The following FHIT variants were observed in gnomAD, a reference collection of about 807,000 sequenced individuals.
FHIT encodes bis(5'-adenosyl)-triphosphatase.
FHIT carries 19 observed loss-of-function variants against 17.9 expected under a neutral mutation model. That is an observed-to-expected ratio of 1.06 (90% CI 0.74 to 1.56). The LOEUF is 1.56. Among genes scored for constraint, FHIT ranks in the 40% most tolerant of loss-of-function variants. FHIT has a pLI of 0.00. For synonymous variants in FHIT, 81 were observed against 69.7 expected (o/e 1.16, Z -0.81); for missense variants, 248 against 189.2 (o/e 1.31, Z -1.82).
At chr3:60,051,599 C>T (rs1305061259) in intron 5 of FHIT, among the ~76,000 whole-genome samples, 1 of 152,110 alleles carries the variant, frequency 6.6e-6, no homozygotes, top group Admixed American at 6.6e-5. Flanking sequence ...ACCCCTCACC[C>T]TCAACTGCTA....
intron 4 of FHIT, among the ~76,000 whole-genome samples, chr3:60,577,407 T>C (rs954442159): frequency 6.6e-6 from 1 of 152,180 alleles, no homozygotes; most frequent in Non-Finnish European, 1.5e-5. Flanking sequence ...TAATACCCTA[T>C]GACTGTCCAT....
intron 5 of FHIT, among the ~76,000 whole-genome samples, chr3:60,173,178 A>C (rs1295953080): frequency 6.6e-6 from 1 of 152,140 alleles, no homozygotes; most frequent in African/African-American, 2.4e-5. Context: ...GTCCCATCCA[A>C]AGCTAGCCTC....
At chr3:61,202,071 C>CACACAT (rs1462355144) in intron 1 of FHIT, among the ~76,000 whole-genome samples, 1 of 151,318 alleles carries the variant, frequency 6.6e-6, no homozygotes, top group Non-Finnish European at 1.5e-5. Context: ...CATAGATACA[C>CACACAT]ACACACACAC....
intron 4 of FHIT, among the ~76,000 whole-genome samples, chr3:60,661,072 A>G (rs975885584): frequency 2.6e-5 from 4 of 151,818 alleles, no homozygotes; most frequent in Admixed American, 2.6e-4. Context: ...TTTTATTTCT[A>G]TAGGTTTTGG....
At chr3:59,848,854 C>T (rs1320997197) in intron 8 of FHIT, among the ~76,000 whole-genome samples, 2 of 152,198 alleles carry the variant, frequency 1.3e-5, no homozygotes, top group African/African-American at 4.8e-5. Context: ...GGAAAAAGAT[C>T]TCATTTCAGA....
chr3:60,337,813 T>C (rs970101254), intron 5 of FHIT, among the ~76,000 whole-genome samples: 7 of 152,158 alleles, frequency 4.6e-5, no homozygotes, highest in Admixed American at 1.3e-4. Context: ...AGAAAGACTC[T>C]TGGGGGACTG....
intron 1 of FHIT, among the ~76,000 whole-genome samples, chr3:61,228,677 G>C (rs867896061): frequency 3.9e-5 from 6 of 152,148 alleles, no homozygotes; most frequent in African/African-American, 1.4e-4. Context: ...GTCTTATCTA[G>C]AGTTCAACCT....
At chr3:60,099,967 G>C (rs183822490) in intron 5 of FHIT, among the ~76,000 whole-genome samples, 1 of 152,282 alleles carries the variant, frequency 6.6e-6, no homozygotes, top group South Asian at 2.1e-4. Flanking sequence ...AATGGTTGTG[G>C]TGTGTGTTGA....
Position 59,874,583 on chromosome 3 carries a change from G to A in FHIT, c.348+47763C>T, listed in dbSNP as rs75744646. Among the ~76,000 whole-genome samples, 894 of 152,242 alleles carry A rather than the reference G, an allele frequency of 5.9e-3. 5 individuals are homozygous for A. Among genetic ancestry groups the A allele is most frequent in the African/African-American group, 0.02 (833 of 41,550 alleles). Reference sequence around the variant, plus strand: ...TGCTTATTCCCTCACAGACTGAAACGTACGATATTACGGGGTTAGGACAGT... The same window carrying A: ...TGCTTATTCCCTCACAGACTGAAACATACGATATTACGGGGTTAGGACAGT... On this transcript the variant is annotated intron_variant, in intron 8 of 9. Transcript: ENST00000492590.
At chr3:60,633,783 G>A (rs1384476232) in intron 4 of FHIT, among the ~76,000 whole-genome samples, 3 of 152,114 alleles carry the variant, frequency 2.0e-5, no homozygotes, top group African/African-American at 4.8e-5. Context: ...GCATGAGCCC[G>A]TACCCAAGCA....
intron 4 of FHIT, among the ~76,000 whole-genome samples, chr3:60,773,172 G>A (rs114808742): frequency 0.01 from 1,538 of 152,224 alleles, 29 homozygotes; most frequent in African/African-American, 0.035. Context: ...CAAAGAGTCA[G>A]ACTTTACTCA....
chr3:60,165,648 T>C lies in FHIT; in HGVS notation c.104-151496A>G, dbSNP rs946839468. 3.3e-5 allele frequency among the ~76,000 whole-genome samples: 5 copies of C among 152,182 alleles called. No homozygotes were observed. In the East Asian group the frequency reaches 9.6e-4, roughly 29 times the overall value. ...AAATGAGATTATAAAGATACCTATCTTTGCTCAAATAAGCAAAGGGAAAAA... is the reference window on the plus strand; with the variant it reads ...AAATGAGATTATAAAGATACCTATCCTTGCTCAAATAAGCAAAGGGAAAAA... On this transcript the variant is annotated intron_variant, in intron 5 of 9. Transcript: ENST00000492590.
At chr3:61,151,631 T>C (rs1040342699) in intron 2 of FHIT, among the ~76,000 whole-genome samples, 1 of 150,758 alleles carries the variant, frequency 6.6e-6, no homozygotes, top group African/African-American at 2.4e-5. Context: ...TGGAGTGCAG[T>C]GACGTGATCT....
Position 60,367,011 on chromosome 3 carries a change from T to C in FHIT, c.103+169849A>G, listed in dbSNP as rs565445001. On this transcript the variant is annotated intron_variant, in intron 5 of 9. Transcript: ENST00000492590. ...ATTCTACTTTGCCCCATTATATTTG[T>C]TCTCTGAGGAGAGTGAAGAAGAAGA... is the stretch of plus-strand genomic sequence containing the variant. Among the ~76,000 whole-genome samples the C allele has an allele frequency of 2.0e-5, 3 of 152,336 alleles. No homozygotes were observed. The East Asian group carries it at 5.8e-4, about 29-fold the overall frequency.
intron 3 of FHIT, among the ~76,000 whole-genome samples, chr3:60,893,456 C>T (rs1272096217): frequency 2.6e-5 from 4 of 152,128 alleles, no homozygotes; most frequent in African/African-American, 9.7e-5. Context: ...GAAGATTTTT[C>T]CTACACTTTA....
chr3:60,141,593 AG>A (rs1203174308), intron 5 of FHIT, among the ~76,000 whole-genome samples: 1 of 152,128 alleles, frequency 6.6e-6, no homozygotes, highest in Non-Finnish European at 1.5e-5. Context: ...GTAGCTTCTA[AG>A]TGATATGTCA....
intron 4 of FHIT, among the ~76,000 whole-genome samples, chr3:60,645,543 C>A (rs1425000068): frequency 6.6e-6 from 1 of 152,158 alleles, no homozygotes; most frequent in African/African-American, 2.4e-5. Flanking sequence ...TACATGGCCA[C>A]AGTTGTCTCT....
intron 3 of FHIT, among the ~76,000 whole-genome samples, chr3:60,966,204 G>T (rs1212079506): frequency 1.3e-5 from 2 of 152,204 alleles, no homozygotes; most frequent in Non-Finnish European, 2.9e-5. Flanking sequence ...TGCTAGCAGA[G>T]AGTGAAGCCC....
At chr3:60,714,722 T>G (rs574804832) in intron 4 of FHIT, among the ~76,000 whole-genome samples, 1 of 152,200 alleles carries the variant, frequency 6.6e-6, no homozygotes, top group East Asian at 1.9e-4. Flanking sequence ...GAATCCAACT[T>G]ACAAGGGACG....
Sources: allele counts gnomAD v4.1 joint callset (sites outside exome capture counted in the v4.1 genomes callset), GRCh38; gene constraint gnomAD v4.1.1; transcripts MANE v1.5; gene names NCBI Gene and HGNC (gene_info 2026-07-23, HGNC 2026-07-21).